GRIN2C: variants seen among roughly 807,000 people sequenced by gnomAD.
GRIN2C encodes the protein glutamate receptor ionotropic, NMDA 2C.
A neutral mutation model predicts 77.7 loss-of-function variants in GRIN2C; 64 were observed. The ratio of observed to expected loss-of-function variants is 0.82; its 90% CI spans 0.67 to 1.01. GRIN2C has a LOEUF of 1.01. GRIN2C is among the 50% of genes least tolerant of loss of function. The pLI, the probability that GRIN2C is intolerant of heterozygous loss-of-function variation, is 0.00. For missense variants in GRIN2C, 1,549 were observed against 1,486.0 expected (o/e 1.04, Z -0.70); for synonymous variants, 792 against 643.4 (o/e 1.23, Z -3.49).
At chr17:74,852,858 G>A (rs1411163497) in intron 2 of GRIN2C, 1 of 405,960 alleles carries the variant, frequency 2.5e-6, no homozygotes, top group Non-Finnish European at 4.3e-6. Context: ...CACCACTGGG[G>A]AGTTTGTCAG....
intron 1 of GRIN2C, among the ~76,000 whole-genome samples, chr17:74,858,445 G>A (rs1292790254): frequency 6.6e-6 from 1 of 152,060 alleles, no homozygotes; most frequent in African/African-American, 2.4e-5. Flanking sequence ...AGAGCCAGGG[G>A]CCAAAACTAG....
chr17:74,852,340 AAC>A lies in GRIN2C; in HGVS notation c.669_670del (p.Phe224CysfsTer196). The A allele has an allele frequency of 1.4e-6, 2 of 1,457,424 alleles. No homozygotes were observed. The highest frequency in any genetic ancestry group is 2.9e-5 in the East Asian group (1 of 34,414). 90.3% of individuals were successfully genotyped at this position (1,457,424 alleles called of 1,614,324 possible). A position where few individuals can be genotyped will look rare whatever the true frequency, so the allele number is the denominator to read the frequency against. On this transcript the variant is annotated frameshift_variant, in exon 3 of 13. Transcript: ENST00000293190. LOFTEE classifies it high-confidence loss of function. Reference sequence around the variant, plus strand: ...CTCCTCGCGCGAGCAGTAGGCCACAAACACGGGCGCGTCGAGCTGGCGCAGCA... The same window carrying A: ...CTCCTCGCGCGAGCAGTAGGCCACAAACGGGCGCGTCGAGCTGGCGCAGCA...
At position 74,842,984 on chromosome 17, in the gene GRIN2C, G is replaced by C. The variant is rs1353031137; in HGVS notation, c.3153C>G (p.Asp1051Glu). Reference protein sequence around the residue: ...PFLPLFPELEDLPLLGPEQLA... With the variant: ...PFLPLFPELEELPLLGPEQLA... ...GCTGCTCCGGACCGAGCAGCGGCAG[G>C]TCCTCCAGCTCCGGGAAGAGCGGGA... Residue 1051 changes from aspartate to glutamate, a missense_variant, in exon 13 of 13, where the codon GAC (aspartate) becomes GAG (glutamate). Coordinates refer to ENST00000293190, the MANE Select transcript of GRIN2C (RefSeq NM_000835.6). 8.0e-5 allele frequency: 32 copies of C among 397,648 alleles called. No homozygotes were observed. Among genetic ancestry groups the C allele is most frequent in the Non-Finnish European group, 4.3e-6 (1 of 233,874 alleles). The allele number at this position is 397,648 out of a possible 1,614,324, so 24.6% of individuals were successfully genotyped here.
chr17:74,852,580 A>T lies in GRIN2C; in HGVS notation c.431T>A (p.Val144Glu). Reference sequence around the variant, plus strand: ...CACCTGCAGCTGCTGCTCCAGGGACACGCCCAGCTGCAGGAAGGCGGAGCC... The same window carrying T: ...CACCTGCAGCTGCTGCTCCAGGGACTCGCCCAGCTGCAGGAAGGCGGAGCC... ...EPGSAFLQLGVSLEQQLQVLF... is the reference protein window; with the variant it reads ...EPGSAFLQLGESLEQQLQVLF... Residue 144 changes from valine (V) to glutamate (E), a missense_variant, in exon 3 of 13, where the codon GTG (valine) becomes GAG (glutamate). Val to Glu is a moderately radical substitution (Grantham distance 121, BLOSUM62 -2). Coordinates refer to ENST00000293190, the MANE Select transcript of GRIN2C (RefSeq NM_000835.6). 1 of 1,456,982 alleles carries T rather than the reference A, an allele frequency of 6.9e-7. No homozygotes were observed. The highest frequency in any genetic ancestry group is 9.1e-7 in the Non-Finnish European group (1 of 1,102,424). The allele number at this position is 1,456,982 out of a possible 1,614,324, so 90.3% of individuals were successfully genotyped here.
intron 2 of GRIN2C, 189 bp downstream of exon 2, chr17:74,854,505 C>G: frequency 1.7e-6 from 1 of 585,300 alleles, no homozygotes; most frequent in Non-Finnish European, 3.0e-6. Flanking sequence ...GTGAGGTCAG[C>G]CCAGAATATC....
chr17:74,850,839 G>A lies in GRIN2C; in HGVS notation c.1114-72C>T. The A allele has an allele frequency of 7.8e-7, 1 of 1,286,512 alleles. No homozygotes were observed. The allele number at this position is 1,286,512 out of a possible 1,614,324, so 79.7% of individuals were successfully genotyped here. A position where few individuals can be genotyped will look rare whatever the true frequency, so the allele number is the denominator to read the frequency against. The stretch of plus-strand genomic sequence containing the variant: ...CCCACCCTCTAGGTGGAGCCTGCCA[G>A]GGCCAAGAATCTCCCTCTCTCACCT... On this transcript the variant is annotated intron_variant, in intron 4 of 12. Transcript: ENST00000293190. The surrounding 1 kb of genome is among the most constrained non-coding windows in gnomAD (Gnocchi z 5.3).
At position 74,850,126 on chromosome 17, in the gene GRIN2C, A is replaced by AGGG; in HGVS notation, c.1491+77_1491+79dup. 1 of 1,498,546 alleles carries AGGG rather than the reference A, an allele frequency of 6.7e-7. No homozygotes were observed. The highest frequency in any genetic ancestry group is 9.2e-7 in the Non-Finnish European group (1 of 1,086,470). 92.8% of individuals were successfully genotyped at this position (1,498,546 alleles called of 1,614,324 possible). On this transcript the variant is annotated intron_variant, in intron 6 of 12. Transcript: ENST00000293190. The surrounding 1 kb of genome is among the most constrained non-coding windows in gnomAD (Gnocchi z 5.3). ...GGTGACAGCCCATGCCCCCCTCTAG[A>AGGG]GGGCATCTGAGAGCCACATGGGGCC...
At chr17:74,845,470 G>T (rs1018301301) in intron 11 of GRIN2C, among the ~76,000 whole-genome samples, 28 of 151,064 alleles carry the variant, frequency 1.9e-4, no homozygotes, top group African/African-American at 6.3e-4. Context: ...GGATCTTGCT[G>T]TGTTGCCCAG....
Position 74,847,790 on chromosome 17 carries a change from C to G in GRIN2C, c.1771+62G>C. 6.3e-7 allele frequency: 1 copy of G among 1,591,976 alleles called. No homozygotes were observed. The highest frequency in any genetic ancestry group is 8.6e-7 in the Non-Finnish European group (1 of 1,162,590). ...GGTATTCTCTGAAGGACCCGTTGCCCCTGAGCCCAGCCCTCAGGGTGCCCA... is the reference window on the plus strand; with the variant it reads ...GGTATTCTCTGAAGGACCCGTTGCCGCTGAGCCCAGCCCTCAGGGTGCCCA... On this transcript the variant is annotated intron_variant, in intron 8 of 12. Coordinates refer to ENST00000293190, the MANE Select transcript of GRIN2C (RefSeq NM_000835.6). This position sits in a 1 kb window ranked among gnomAD's most constrained non-coding sequence, Gnocchi z 5.2.
In GRIN2C at chr17:74,850,892, G is replaced by C; in HGVS notation, c.1114-125C>G. ...GGATGCTGGGGCAGGTCAGAGTAGG[G>C]CTGCTCCCAACAGCCTCCCCCAGCC... On this transcript the variant is annotated intron_variant, in intron 4 of 12. Transcript: ENST00000293190. The surrounding 1 kb of genome is among the most constrained non-coding windows in gnomAD (Gnocchi z 5.3). 1 of 786,528 alleles carries C rather than the reference G, an allele frequency of 1.3e-6. No homozygotes were observed. The highest frequency in any genetic ancestry group is 2.1e-6 in the Non-Finnish European group (1 of 476,466). 48.7% of individuals were successfully genotyped at this position (786,528 alleles called of 1,614,324 possible). A position where few individuals can be genotyped will look rare whatever the true frequency, so the allele number is the denominator to read the frequency against.
At chr17:74,860,067 G>A (rs2037917765), upstream of GRIN2C, among the ~76,000 whole-genome samples, 1 of 152,038 alleles carries the variant, frequency 6.6e-6, no homozygotes, top group Non-Finnish European at 1.5e-5. Context: ...CCGCAGTGGG[G>A]GGACCAAGCC....
At chr17:74,854,086 C>G (rs562742946) in intron 2 of GRIN2C, 16 of 152,690 alleles carry the variant, frequency 1.0e-4, no homozygotes, top group African/African-American at 3.9e-4. Flanking sequence ...CCCACCGGCT[C>G]GCCCTTAGGC....
At position 74,847,226 on chromosome 17, in the gene GRIN2C, C is replaced by G; in HGVS notation, c.2001+82G>C. On this transcript the variant is annotated intron_variant, in intron 9 of 12. Coordinates refer to ENST00000293190, the MANE Select transcript of GRIN2C (RefSeq NM_000835.6). The surrounding 1 kb of genome is among the most constrained non-coding windows in gnomAD (Gnocchi z 5.2). ...GCCTCCAGGTCAAATTCCCCAGACT[C>G]GACTGTCCAGGGCCTGCCCACTCAC... 2 of 1,092,760 alleles carry G rather than the reference C, an allele frequency of 1.8e-6. No individual in the cohort carries two copies. Among genetic ancestry groups the G allele is most frequent in the Admixed American group, 1.8e-5 (1 of 56,018 alleles). 67.7% of individuals were successfully genotyped at this position (1,092,760 alleles called of 1,614,324 possible).
intron 11 of GRIN2C, among the ~76,000 whole-genome samples, chr17:74,844,961 G>A (rs545604689): frequency 2.6e-4 from 40 of 152,068 alleles, no homozygotes; most frequent in African/African-American, 8.2e-4. Context: ...TGAGACAGTC[G>A]TGCTCTGTCA....
chr17:74,844,641 A>C, intron 11 of GRIN2C, 133 bp from the exon 12 acceptor site: 2 of 1,435,850 alleles, frequency 1.4e-6, no homozygotes, highest in Non-Finnish European at 1.8e-6. Context: ...CAAGCAGACC[A>C]CATGGGGATC....
intron 12 of GRIN2C, 187 bp downstream of exon 12, chr17:74,844,089 G>C: frequency 8.3e-7 from 1 of 1,204,264 alleles, no homozygotes; most frequent in East Asian, 2.6e-5. Context: ...GCCCAGGCTG[G>C]TCTCAAACTT....
At position 74,852,176 on chromosome 17, in the gene GRIN2C, C is replaced by T. The variant is rs2037668675; in HGVS notation, c.835G>A (p.Glu279Lys). ...FPVGLISVVT[E>K]SWRLSLRQKV... Reference sequence around the variant, plus strand: ...TGGCGCAGGCTGAGGCGCCAGCTCTCGGTGACGACGCTGATGAGGCCCACG... The same window carrying T: ...TGGCGCAGGCTGAGGCGCCAGCTCTTGGTGACGACGCTGATGAGGCCCACG... Residue 279 changes from glutamate (E) to lysine (K), a missense_variant, in exon 3 of 13, where the codon GAG (glutamate) becomes AAG (lysine). Glu to Lys is a moderately conservative substitution (Grantham distance 56, BLOSUM62 1). This residue lies in a region of GRIN2C where 717 missense variants were observed against 858.1 expected (regional missense o/e 0.84). Coordinates refer to ENST00000293190, the MANE Select transcript of GRIN2C (RefSeq NM_000835.6). The T allele has an allele frequency of 4.1e-6, 6 of 1,459,620 alleles. No individual in the cohort carries two copies. The highest frequency in any genetic ancestry group is 4.5e-6 in the Non-Finnish European group (5 of 1,107,946). The allele number at this position is 1,459,620 out of a possible 1,614,324, so 90.4% of individuals were successfully genotyped here.
rs898774529 is a variant in GRIN2C at position 74,846,320 on chromosome 17, G to A, written c.2163-67C>T. Reference sequence around the variant, plus strand: ...GGGGAGGGGACACCGAAACTGGGGCGTGACAGGGGTCTAAACCACATGAGC... The same window carrying A: ...GGGGAGGGGACACCGAAACTGGGGCATGACAGGGGTCTAAACCACATGAGC... On this transcript the variant is annotated intron_variant, in intron 10 of 12. Coordinates refer to ENST00000293190, the MANE Select transcript of GRIN2C (RefSeq NM_000835.6). This position sits in a 1 kb window ranked among gnomAD's most constrained non-coding sequence, Gnocchi z 4.4. 43 of 1,405,872 alleles carry A rather than the reference G, an allele frequency of 3.1e-5. No homozygotes were observed. The highest frequency in any genetic ancestry group is 1.8e-4 in the Middle Eastern group (1 of 5,638). The allele number at this position is 1,405,872 out of a possible 1,614,324, so 87.1% of individuals were successfully genotyped here.
Position 74,852,350 on chromosome 17 carries a change from C to T in GRIN2C, c.661G>A (p.Ala221Thr). 1 of 1,455,144 alleles carries T rather than the reference C, an allele frequency of 6.9e-7. No individual in the cohort carries two copies. Among genetic ancestry groups the T allele is most frequent in the Non-Finnish European group, 9.0e-7 (1 of 1,111,322 alleles). 90.1% of individuals were successfully genotyped at this position (1,455,144 alleles called of 1,614,324 possible). Residue 221 changes from alanine (A) to threonine (T), a missense_variant, in exon 3 of 13, where the codon GCG (alanine) becomes ACG (threonine). By Grantham distance (58) the Ala-to-Thr change is moderately conservative. Around this residue, in one of 3 missense-constraint regions of GRIN2C, gnomAD observed 382 missense variants for 360.0 expected, o/e 1.06. Transcript: ENST00000293190. The stretch of plus-strand genomic sequence containing the variant: ...GAGCAGTAGGCCACAAACACGGGCG[C>T]GTCGAGCTGGCGCAGCAGGCGCTGC... Reference protein sequence around the residue: ...RTQRLLRQLDAPVFVAYCSRE... With the variant: ...RTQRLLRQLDTPVFVAYCSRE...
Sources: allele counts gnomAD v4.1 joint callset (sites outside exome capture counted in the v4.1 genomes callset), GRCh38; gene constraint gnomAD v4.1.1; regional missense constraint gnomAD v4.1.1; non-coding constraint Gnocchi (gnomAD v3.1); transcripts MANE v1.5; gene names NCBI Gene and HGNC (gene_info 2026-07-23, HGNC 2026-07-21).